ZHX3: variants seen among roughly 807,000 people sequenced by gnomAD.
ZHX3 encodes zinc fingers and homeoboxes 3.
Under a neutral mutation model 64.5 loss-of-function variants are expected in ZHX3, and 20 were observed. That is an observed-to-expected ratio of 0.31 (90% CI 0.22 to 0.45). The LOEUF (loss-of-function observed/expected upper bound fraction) is 0.45, where lower values mean the gene tolerates loss of function less well. Among genes scored for constraint, ZHX3 ranks in the 20% least tolerant of loss-of-function variants. The pLI, the probability that ZHX3 is intolerant of heterozygous loss-of-function variation, is 1.00. For synonymous variants in ZHX3, 423 were observed against 461.6 expected (o/e 0.92, Z 1.07); for missense variants, 1,041 against 1,195.8 (o/e 0.87, Z 1.91).
At chr20:41,198,508 A>T in intron 3 of ZHX3, among the ~76,000 whole-genome samples, 1 of 149,216 alleles carries the variant, frequency 6.7e-6, no homozygotes. Context: ...TTTTTTCACG[A>T]CTTTAGATAT....
At chr20:41,196,209 T>C (rs2037471999) in intron 3 of ZHX3, among the ~76,000 whole-genome samples, 1 of 142,990 alleles carries the variant, frequency 7.0e-6, no homozygotes, top group Admixed American at 7.8e-5. Context: ...TATTTTTGTC[T>C]TTCTCCCTTT....
chr20:41,182,785 CA>C lies in ZHX3; in HGVS notation c.*2405del, dbSNP rs1322865933. Reference sequence around the variant, plus strand: ...AAGAAAAACATACCAGGGCAGGCAGCACTGTACTTTTCCACCTGAAAGATGA... The same window carrying C: ...AAGAAAAACATACCAGGGCAGGCAGCCTGTACTTTTCCACCTGAAAGATGA... On this transcript the variant is annotated 3_prime_UTR_variant, in exon 4 of 4. Coordinates refer to ENST00000683867, the MANE Select transcript of ZHX3 (RefSeq NM_001384317.1). This position sits in a 1 kb window ranked among gnomAD's most constrained non-coding sequence, Gnocchi z 6.1. 6.6e-6 allele frequency: 1 copy of C among 152,284 alleles called. No homozygotes were observed. Among genetic ancestry groups the C allele is most frequent in the Non-Finnish European group, 1.5e-5 (1 of 68,062 alleles). 9.4% of individuals were successfully genotyped at this position (152,284 alleles called of 1,614,324 possible).
intron 2 of ZHX3, among the ~76,000 whole-genome samples, chr20:41,267,996 A>G (rs761877905): frequency 6.6e-6 from 1 of 152,248 alleles, no homozygotes; most frequent in Non-Finnish European, 1.5e-5. Flanking sequence ...ATAATGATCA[A>G]GGTAGACTAC....
At chr20:41,254,884 C>T (rs2042160317) in intron 2 of ZHX3, among the ~76,000 whole-genome samples, 1 of 151,962 alleles carries the variant, frequency 6.6e-6, no homozygotes, top group East Asian at 1.9e-4. Context: ...AGAGGGATCA[C>T]AAAGCAGCCT....
intron 2 of ZHX3, among the ~76,000 whole-genome samples, chr20:41,268,759 AATC>A (rs2042985680): frequency 6.6e-6 from 1 of 152,352 alleles, no homozygotes; most frequent in East Asian, 1.9e-4. Context: ...TGATCAAAGA[AATC>A]ATCGAAGTTG....
chr20:41,238,559 A>C (rs557332772), intron 2 of ZHX3: 2 of 152,356 alleles, frequency 1.3e-5, no homozygotes, highest in East Asian at 3.9e-4. Context: ...ACATCTGCTC[A>C]TTGTGAAAAA....
At position 41,241,656 on chromosome 20, in the gene ZHX3, G is replaced by A. The variant is rs144277307; in HGVS notation, c.-151+27334C>T. On this transcript the variant is annotated intron_variant, in intron 2 of 3. Transcript: ENST00000683867. ...GCTGTTTTGGTTACTATAACTCTGT[G>A]TATAATTTGAAGTTAGGTAATGTGA... Among the ~76,000 whole-genome samples the A allele has an allele frequency of 3.3e-4, 51 of 152,286 alleles. No individual in the cohort carries two copies. The East Asian group carries it at 9.6e-3, about 29-fold the overall frequency.
At chr20:41,190,256 C>A (rs954864337) in intron 3 of ZHX3, among the ~76,000 whole-genome samples, 3 of 152,206 alleles carry the variant, frequency 2.0e-5, no homozygotes, top group African/African-American at 7.2e-5. Flanking sequence ...CTCACTGCAA[C>A]CTCTGCTTCC....
intron 1 of ZHX3, among the ~76,000 whole-genome samples, chr20:41,309,927 T>C (rs895333736): frequency 1.3e-5 from 2 of 152,208 alleles, no homozygotes; most frequent in African/African-American, 4.8e-5. Flanking sequence ...GAATCTGTCA[T>C]GCCCAGTAAT....
At chr20:41,277,796 T>A (rs374980406) in intron 1 of ZHX3, among the ~76,000 whole-genome samples, 1 of 136,924 alleles carries the variant, frequency 7.3e-6, no homozygotes, top group Non-Finnish European at 1.6e-5. Context: ...TTTCACCATG[T>A]TAGCCAGGAT....
In ZHX3 at chr20:41,183,641, G is replaced by A. The variant is rs1885043489; in HGVS notation, c.*1550C>T. The A allele has an allele frequency of 6.6e-6, 1 of 152,278 alleles. No homozygotes were observed. The highest frequency in any genetic ancestry group is 2.1e-4 in the South Asian group (1 of 4,824). 9.4% of individuals were successfully genotyped at this position (152,278 alleles called of 1,614,324 possible). A position where few individuals can be genotyped will look rare whatever the true frequency, so the allele number is the denominator to read the frequency against. On this transcript the variant is annotated 3_prime_UTR_variant, in exon 4 of 4. Transcript: ENST00000683867. This position sits in a 1 kb window ranked among gnomAD's most constrained non-coding sequence, Gnocchi z 5.3. ...CCTCTCTCTGGGGTCTTCTAGCACT[G>A]TCACTCTGCCCAGCCCAGGAGGTGT...
chr20:41,308,264 T>C (rs1021130084), intron 1 of ZHX3, among the ~76,000 whole-genome samples: 16 of 152,232 alleles, frequency 1.1e-4, no homozygotes, highest in Non-Finnish European at 2.1e-4. Context: ...ATGGCATTGC[T>C]AATCCTCCAC....
intron 1 of ZHX3, among the ~76,000 whole-genome samples, chr20:41,275,753 C>T (rs543565325): frequency 6.6e-6 from 1 of 152,240 alleles, no homozygotes; most frequent in Admixed American, 6.5e-5. Flanking sequence ...TGATGAGGGT[C>T]CTATCTTTAG....
At chr20:41,312,703 GGAGGTCTTGAA>G (rs1396480652) in intron 1 of ZHX3, among the ~76,000 whole-genome samples, 1 of 152,162 alleles carries the variant, frequency 6.6e-6, no homozygotes. Context: ...TGAGACAAGT[GGAGGTCTTGAA>G]GAGCCTGTAC....
intron 2 of ZHX3, among the ~76,000 whole-genome samples, chr20:41,216,504 C>T (rs1279493080): frequency 2.0e-5 from 3 of 152,134 alleles, no homozygotes; most frequent in Non-Finnish European, 2.9e-5. Context: ...CCTGAGTTTT[C>T]GTCTCACAAT....
chr20:41,202,205 A>AG lies in ZHX3; in HGVS notation c.2711dup (p.Gly905TrpfsTer4), dbSNP rs2038284433. The AG allele has an allele frequency of 1.2e-6, 2 of 1,613,954 alleles. No individual in the cohort carries two copies. Among genetic ancestry groups the AG allele is most frequent in the African/African-American group, 1.3e-5 (1 of 74,876 alleles). On this transcript the variant is annotated frameshift_variant, in exon 3 of 4. Transcript: ENST00000683867. LOFTEE classifies it high-confidence loss of function. This position sits in a 1 kb window ranked among gnomAD's most constrained non-coding sequence, Gnocchi z 7.0. The stretch of plus-strand genomic sequence containing the variant: ...GAACTGCTGTGAGCTCACCAGTACC[A>AG]GGGCCCTGGTCCTCACTGCCTGTGT...
intron 1 of ZHX3, among the ~76,000 whole-genome samples, chr20:41,292,926 A>G (rs1201290302): frequency 6.6e-6 from 1 of 152,258 alleles, no homozygotes; most frequent in Non-Finnish European, 1.5e-5. Context: ...TCTGGCTAGA[A>G]TAAAAGGTCC....
At chr20:41,248,342 G>A (rs2041817357) in intron 2 of ZHX3, among the ~76,000 whole-genome samples, 2 of 151,578 alleles carry the variant, frequency 1.3e-5, no homozygotes, top group African/African-American at 4.9e-5. Context: ...GTAATTCACT[G>A]ACCATTATTA....
At chr20:41,243,650 T>C (rs2041519704) in intron 2 of ZHX3, among the ~76,000 whole-genome samples, 2 of 152,126 alleles carry the variant, frequency 1.3e-5, no homozygotes, top group South Asian at 4.2e-4. Context: ...CTGACTCCCG[T>C]AGTGCTGAGG....
Sources: allele counts gnomAD v4.1 joint callset (sites outside exome capture counted in the v4.1 genomes callset), GRCh38; gene constraint gnomAD v4.1.1; non-coding constraint Gnocchi (gnomAD v3.1); transcripts MANE v1.5; gene names NCBI Gene and HGNC (gene_info 2026-07-23, HGNC 2026-07-21).